OCA2: variants seen among roughly 807,000 people sequenced by gnomAD.
OCA2 encodes the protein P protein.
A neutral mutation model predicts 100.2 loss-of-function variants in OCA2; 77 were observed. The observed-to-expected ratio is 0.77, with a 90% CI of 0.64 to 0.93. The LOEUF is 0.93. Ranked by LOEUF, OCA2 falls within the 40% of genes least tolerant of loss-of-function variation. The pLI is 0.00. For synonymous variants in OCA2, 432 were observed against 439.2 expected (o/e 0.98, Z 0.21); for missense variants, 1,062 against 1,089.1 (o/e 0.98, Z 0.35).
chr15:27,824,101 C>T (rs2151283103), intron 23 of OCA2, among the ~76,000 whole-genome samples: 1 of 152,332 alleles, frequency 6.6e-6, no homozygotes, highest in East Asian at 1.9e-4. Flanking sequence ...GGCGCGGTGG[C>T]TCATGCCTGT....
At chr15:28,028,655 C>T (rs1464756106) in intron 3 of OCA2, among the ~76,000 whole-genome samples, 6 of 152,068 alleles carry the variant, frequency 3.9e-5, no homozygotes, top group Admixed American at 2.0e-4. Context: ...AAAACACATC[C>T]GTTTACTTTT....
chr15:28,089,328 A>T (rs557105139), intron 1 of OCA2, among the ~76,000 whole-genome samples: 3 of 152,344 alleles, frequency 2.0e-5, no homozygotes, highest in African/African-American at 7.2e-5. Flanking sequence ...AGATTAAGAG[A>T]TTAAAGACAG....
At chr15:27,906,131 A>C (rs1449345853) in intron 19 of OCA2, among the ~76,000 whole-genome samples, 1 of 152,224 alleles carries the variant, frequency 6.6e-6, no homozygotes, top group African/African-American at 2.4e-5. Context: ...GGCCACTATA[A>C]TTAACAATAA....
intron 2 of OCA2, among the ~76,000 whole-genome samples, chr15:28,065,056 T>C (rs1472523628): frequency 6.6e-6 from 1 of 152,068 alleles, no homozygotes; most frequent in Non-Finnish European, 1.5e-5. Context: ...TTTTCTTCAA[T>C]ACCAGGAGAT....
chr15:28,053,190 G>GC (rs959286567), intron 2 of OCA2, among the ~76,000 whole-genome samples: 13 of 152,308 alleles, frequency 8.5e-5, no homozygotes, highest in African/African-American at 2.6e-4. Flanking sequence ...TGTGGCCACA[G>GC]CGTCATCGTT....
At chr15:28,016,640 G>C (rs1249045923) in intron 7 of OCA2, among the ~76,000 whole-genome samples, 1 of 152,018 alleles carries the variant, frequency 6.6e-6, no homozygotes, top group Non-Finnish European at 1.5e-5. Context: ...AAATTAGCCA[G>C]GCCTGGTGGC....
chr15:27,790,710 T>C (rs1321759355), intron 23 of OCA2, among the ~76,000 whole-genome samples: 2 of 152,154 alleles, frequency 1.3e-5, no homozygotes, highest in Non-Finnish European at 2.9e-5. Flanking sequence ...CATGACTGTA[T>C]ATTTGCCAAA....
At chr15:27,988,353 A>G (rs1206692499) in intron 11 of OCA2, among the ~76,000 whole-genome samples, 1 of 151,896 alleles carries the variant, frequency 6.6e-6, no homozygotes, top group East Asian at 1.9e-4. Context: ...CCTAGCCCCT[A>G]GTACCTGGGA....
intron 15 of OCA2, among the ~76,000 whole-genome samples, chr15:27,958,741 T>C (rs149410618): frequency 0.011 from 1,695 of 152,310 alleles, 20 homozygotes; most frequent in Admixed American, 0.044. Context: ...TCTCAAAATA[T>C]CCATTAAAAG....
intron 2 of OCA2, among the ~76,000 whole-genome samples, chr15:28,044,868 T>G (rs2043303385): frequency 6.6e-6 from 1 of 152,234 alleles, no homozygotes; most frequent in African/African-American, 2.4e-5. Context: ...ACTGTATGTC[T>G]TTTTTCATTT....
At chr15:27,750,986 C>A (rs530659130), downstream of OCA2, among the ~76,000 whole-genome samples, 2 of 152,294 alleles carry the variant, frequency 1.3e-5, no homozygotes, top group South Asian at 4.1e-4. Flanking sequence ...GAGAGGTCAG[C>A]CAGGTGCATT....
intron 2 of OCA2, among the ~76,000 whole-genome samples, chr15:28,062,347 C>T (rs527854545): frequency 9.2e-5 from 14 of 152,326 alleles, no homozygotes; most frequent in Admixed American, 2.6e-4. Context: ...CAGTTGCTTA[C>T]AGGCCATTTG....
intron 1 of OCA2, among the ~76,000 whole-genome samples, chr15:28,093,320 A>G (rs1315617153): frequency 6.6e-6 from 1 of 151,750 alleles, no homozygotes; most frequent in African/African-American, 2.4e-5. Context: ...TACCGAGGAG[A>G]CTGAGGCAGG....
chr15:27,950,950 G>A (rs2040005325), intron 18 of OCA2, among the ~76,000 whole-genome samples: 1 of 152,230 alleles, frequency 6.6e-6, no homozygotes, highest in African/African-American at 2.4e-5. Context: ...GAAAACTATG[G>A]GTAAAGCTTT....
At chr15:27,966,220 C>G (rs1200714887) in intron 15 of OCA2, among the ~76,000 whole-genome samples, 1 of 152,152 alleles carries the variant, frequency 6.6e-6, no homozygotes, top group Non-Finnish European at 1.5e-5. Context: ...GGTGATCCGC[C>G]CACCTTGGCC....
intron 2 of OCA2, among the ~76,000 whole-genome samples, chr15:28,053,441 G>T (rs544283158): frequency 6.6e-6 from 1 of 152,274 alleles, no homozygotes; most frequent in South Asian, 2.1e-4. Flanking sequence ...CCCTCTCCCA[G>T]CCCCTGTGCC....
chr15:27,942,031 A>G (rs1261809184), intron 18 of OCA2, among the ~76,000 whole-genome samples: 1 of 152,066 alleles, frequency 6.6e-6, no homozygotes, highest in Non-Finnish European at 1.5e-5. Flanking sequence ...AAGTGTGGAG[A>G]AATCAGAACG....
chr15:28,053,074 A>G (rs1352902134), intron 2 of OCA2, among the ~76,000 whole-genome samples: 1 of 152,226 alleles, frequency 6.6e-6, no homozygotes, highest in East Asian at 1.9e-4. Flanking sequence ...ATGGGATTCC[A>G]CTTTCAAAAG....
intron 23 of OCA2, among the ~76,000 whole-genome samples, chr15:27,819,677 A>T (rs1366604821): frequency 2.0e-5 from 3 of 152,140 alleles, no homozygotes; most frequent in Non-Finnish European, 4.4e-5. Flanking sequence ...CTAGAAATAG[A>T]TGGTTTAATT....
Sources: allele counts gnomAD v4.1 joint callset (sites outside exome capture counted in the v4.1 genomes callset), GRCh38; gene constraint gnomAD v4.1.1; transcripts MANE v1.5; gene names NCBI Gene and HGNC (gene_info 2026-07-23, HGNC 2026-07-21).